The following FRY variants were observed in gnomAD, a reference collection of about 807,000 sequenced individuals.
The protein encoded by FRY is protein furry homolog.
A neutral mutation model predicts 348.4 loss-of-function variants in FRY; 128 were observed. The observed-to-expected ratio is 0.37, with a 90% CI of 0.32 to 0.43. FRY has a LOEUF of 0.43. FRY is among the 20% of genes least tolerant of loss of function. FRY has a pLI of 1.00. For synonymous variants in FRY, 1,370 were observed against 1,374.7 expected (o/e 1.00, Z 0.08); for missense variants, 2,736 against 3,695.2 (o/e 0.74, Z 6.73).
At chr13:32,187,042 G>A (rs577966198) in intron 27 of FRY, among the ~76,000 whole-genome samples, 5 of 152,132 alleles carry the variant, frequency 3.3e-5, no homozygotes, top group South Asian at 2.1e-4. Flanking sequence ...CCCCTTTAGA[G>A]GAACTAAAGT....
rs545002648 is a variant in FRY at position 32,274,986 on chromosome 13, G to A, written c.8281G>A (p.Glu2761Lys). The change falls in exon 56 of 61, where the codon GAG (glutamate) becomes AAG (lysine). Residue 2761 changes from glutamate to lysine, a missense_variant. Physicochemically the swap from Glu to Lys is moderately conservative, Grantham distance 56. Coordinates refer to ENST00000542859, the MANE Select transcript of FRY (RefSeq NM_023037.3). ...ATGTCCTACACTTTTTGTGGATGCC[G>A]AGACTGTGAGTATCCCAGTCCTGCT... Reference protein sequence around the residue: ...SECPTLFVDAETLLSCGLLDK... With the variant: ...SECPTLFVDAKTLLSCGLLDK... The A allele has an allele frequency of 1.7e-5, 28 of 1,613,346 alleles. No individual in the cohort carries two copies. Among genetic ancestry groups the A allele is most frequent in the East Asian group, 4.5e-5 (2 of 44,852 alleles).
rs200315543 is a variant in FRY, at chr13:32,202,434, G to A, written c.3925G>A (p.Gly1309Ser). ...GGGAAGTATTCTCTATGGAACACAC[G>A]GCCCGCTGCCACCCCTCTACAGCGT... ...RPGSILYGTH[G>S]PLPPLYSVSL... The change falls in exon 31 of 61, where the codon GGC (glycine) becomes AGC (serine). Residue 1309 changes from glycine to serine, a missense_variant. Transcript: ENST00000542859. 6.8e-6 allele frequency: 11 copies of A among 1,613,838 alleles called. No homozygotes were observed. The highest frequency in any genetic ancestry group is 1.6e-4 in the Middle Eastern group (1 of 6,062).
At chr13:32,285,393 A>C (rs1289540554) in intron 58 of FRY, among the ~76,000 whole-genome samples, 1 of 152,220 alleles carries the variant, frequency 6.6e-6, no homozygotes. Context: ...GGAAGCCTGA[A>C]CTAGCCTACC....
chr13:32,041,918 G>C (rs1454983263), intron 1 of FRY, among the ~76,000 whole-genome samples: 1 of 152,206 alleles, frequency 6.6e-6, no homozygotes, highest in Non-Finnish European at 1.5e-5. Flanking sequence ...TCATCTGGCA[G>C]AGTAAACTAC....
At chr13:32,257,343 G>A (rs559971014) in intron 51 of FRY, among the ~76,000 whole-genome samples, 29 of 152,288 alleles carry the variant, frequency 1.9e-4, no homozygotes, top group African/African-American at 5.1e-4. Context: ...CATACTTGGC[G>A]TTTAGATCAA....
chr13:32,094,631 TG>T (rs1196060149), intron 2 of FRY, among the ~76,000 whole-genome samples: 1 of 152,256 alleles, frequency 6.6e-6, no homozygotes, highest in Non-Finnish European at 1.5e-5. Flanking sequence ...TTTCTGTGCT[TG>T]GCTTACTTCA....
At chr13:32,076,444 A>T (rs1875062070) in intron 1 of FRY, among the ~76,000 whole-genome samples, 1 of 152,172 alleles carries the variant, frequency 6.6e-6, no homozygotes, top group African/African-American at 2.4e-5. Flanking sequence ...TCCTACTTCC[A>T]CAAGGTGCCT....
chr13:32,276,995 T>TTTTTA (rs1888567426), intron 57 of FRY, among the ~76,000 whole-genome samples: 1 of 152,222 alleles, frequency 6.6e-6, no homozygotes, highest in Non-Finnish European at 1.5e-5. Context: ...TGGCCTCAGC[T>TTTTTA]CTTGCTCTTT....
chr13:32,227,958 G>A (rs1885680081), intron 39 of FRY, among the ~76,000 whole-genome samples: 1 of 152,122 alleles, frequency 6.6e-6, no homozygotes, highest in East Asian at 1.9e-4. Flanking sequence ...CACCATGCTA[G>A]CCAGGATGGT....
intron 34 of FRY, among the ~76,000 whole-genome samples, chr13:32,211,479 G>C (rs143926539): frequency 7.1e-4 from 108 of 152,184 alleles, no homozygotes; most frequent in African/African-American, 2.4e-3. Flanking sequence ...GAATAACTGA[G>C]TTTCTTAGGG....
intron 35 of FRY, 31 bp from the exon 36 acceptor site, chr13:32,218,718 T>C (rs1885142610): frequency 1.6e-6 from 2 of 1,229,228 alleles, no homozygotes; most frequent in Non-Finnish European, 2.4e-6. Flanking sequence ...CACATGTTAA[T>C]ATTTCATTCT....
At chr13:32,192,805 G>A (rs763448120) in intron 28 of FRY, among the ~76,000 whole-genome samples, 4 of 141,784 alleles carry the variant, frequency 2.8e-5, no homozygotes, top group South Asian at 2.2e-4. Context: ...GTGCAGTAGC[G>A]CCATCTCAGC....
chr13:32,256,862 C>T (rs1887365810), intron 51 of FRY, among the ~76,000 whole-genome samples: 1 of 152,170 alleles, frequency 6.6e-6, no homozygotes, highest in Admixed American at 6.5e-5. Context: ...CTGAAATGCT[C>T]CAAAATCCTA....
intron 1 of FRY, among the ~76,000 whole-genome samples, chr13:32,055,816 C>T (rs1461817808): frequency 6.6e-6 from 1 of 152,170 alleles, no homozygotes; most frequent in Non-Finnish European, 1.5e-5. Flanking sequence ...ACTTCTAATA[C>T]ATTTAAGTTA....
chr13:32,154,507 C>T (rs773709270), intron 14 of FRY, among the ~76,000 whole-genome samples: 5 of 152,168 alleles, frequency 3.3e-5, no homozygotes, highest in Admixed American at 2.6e-4. Context: ...GATTTAGATG[C>T]AAAGCTTCCC....
At chr13:32,096,558 A>G (rs1361403278) in intron 2 of FRY, among the ~76,000 whole-genome samples, 1 of 152,188 alleles carries the variant, frequency 6.6e-6, no homozygotes, top group Non-Finnish European at 1.5e-5. Context: ...TGGGAGGCCC[A>G]GGTGGGCGGA....
At chr13:32,035,109 T>C (rs183320223) in intron 1 of FRY, among the ~76,000 whole-genome samples, 17 of 152,326 alleles carry the variant, frequency 1.1e-4, no homozygotes, top group Non-Finnish European at 1.5e-5. Context: ...CAATAAGCAT[T>C]AAAATAATAT....
chr13:32,129,362 G>T (rs75213278), intron 7 of FRY, among the ~76,000 whole-genome samples: 1,587 of 152,296 alleles, frequency 0.01, 30 homozygotes, highest in African/African-American at 0.036. Flanking sequence ...TAGGACCAGA[G>T]AATGTGCTGA....
intron 18 of FRY, among the ~76,000 whole-genome samples, chr13:32,173,042 G>C (rs1322568284): frequency 2.0e-5 from 3 of 152,224 alleles, no homozygotes; most frequent in African/African-American, 7.2e-5. Flanking sequence ...TGGCCACTTT[G>C]ATTGTATATA....
Sources: gnomAD v4.1 joint callset for allele counts (sites outside exome capture counted in the v4.1 genomes callset) on GRCh38, gnomAD v4.1.1 for gene constraint, MANE v1.5 for transcripts, NCBI Gene and HGNC (gene_info 2026-07-23, HGNC 2026-07-21) for gene names.